RREB1: variants seen among roughly 807,000 people sequenced by gnomAD.
The protein encoded by RREB1 is ras responsive element binding protein 1.
In RREB1, 27 loss-of-function variants were observed where a neutral mutation model predicts 117.8. The ratio of observed to expected loss-of-function variants is 0.23; its 90% CI spans 0.17 to 0.32. RREB1 has a LOEUF of 0.32. Among genes scored for constraint, RREB1 ranks in the 10% least tolerant of loss-of-function variants. The pLI, the probability that RREB1 is intolerant of heterozygous loss-of-function variation, is 1.00. For synonymous variants in RREB1, 1,298 were observed against 1,026.7 expected (o/e 1.26, Z -5.05); for missense variants, 2,577 against 2,378.2 (o/e 1.08, Z -1.74).
At position 7,231,161 on chromosome 6, in the gene RREB1, C is replaced by T; in HGVS notation, c.3062C>T (p.Ser1021Leu). 1 of 1,611,878 alleles carries T rather than the reference C, an allele frequency of 6.2e-7. No homozygotes were observed. Among genetic ancestry groups the T allele is most frequent in the Non-Finnish European group, 8.5e-7 (1 of 1,179,436 alleles). ...PVQLAVPIYS[S>L]ALVSSPPLVG... ...CAGCTGGCGGTCCCAATCTACTCCT[C>T]AGCCCTGGTCAGCAGCCCTCCACTC... Residue 1021 changes from serine to leucine, a missense_variant, in exon 10 of 13, where the codon TCA becomes TTA. Transcript: ENST00000379938.
intron 1 of RREB1, among the ~76,000 whole-genome samples, chr6:7,144,287 C>T (rs1246676318): frequency 1.3e-5 from 2 of 152,184 alleles, no homozygotes; most frequent in Admixed American, 1.3e-4. Context: ...AACCATTTCA[C>T]AATGTATACA....
intron 1 of RREB1, among the ~76,000 whole-genome samples, chr6:7,116,987 T>C (rs1407427061): frequency 6.6e-6 from 1 of 152,226 alleles, no homozygotes; most frequent in East Asian, 1.9e-4. Flanking sequence ...AGAGTTTTGT[T>C]TCATTAGTGG....
At chr6:7,233,935 C>T (rs1481332981) in intron 10 of RREB1, among the ~76,000 whole-genome samples, 1 of 152,172 alleles carries the variant, frequency 6.6e-6, no homozygotes. Flanking sequence ...CGATAGGACT[C>T]TCAGTGGCTG....
chr6:7,187,537 GTTCTTTTATTTTATT>G lies in RREB1; in HGVS notation c.261+17_261+31del. On this transcript the variant is annotated intron_variant, in intron 5 of 12. Transcript: ENST00000379938. ...CACATTCGCCAGGTAGATTCCCACT[GTTCTTTTATTTTATT>G]TTATTTTATTTTATTTTATTTTATT... 1 of 1,084,394 alleles carries G rather than the reference GTTCTTTTATTTTATT, an allele frequency of 9.2e-7. No homozygotes were observed. Among genetic ancestry groups the G allele is most frequent in the Non-Finnish European group, 1.3e-6 (1 of 798,546 alleles). The allele number at this position is 1,084,394 out of a possible 1,614,324, so 67.2% of individuals were successfully genotyped here. A position where few individuals can be genotyped will look rare whatever the true frequency, so the allele number is the denominator to read the frequency against.
At chr6:7,170,314 C>A (rs1764150493) in intron 1 of RREB1, among the ~76,000 whole-genome samples, 1 of 152,172 alleles carries the variant, frequency 6.6e-6, no homozygotes, top group African/African-American at 2.4e-5. Flanking sequence ...TAAGAGGGAA[C>A]CCCAGGGCTG....
intron 8 of RREB1, chr6:7,216,553 A>T (rs985211644): frequency 4.6e-5 from 7 of 152,158 alleles, no homozygotes; most frequent in African/African-American, 1.7e-4. Context: ...CACCAAAGGG[A>T]AATGCCTTCT....
At chr6:7,153,646 T>C (rs992338644) in intron 1 of RREB1, among the ~76,000 whole-genome samples, 2 of 152,222 alleles carry the variant, frequency 1.3e-5, no homozygotes, top group African/African-American at 2.4e-5. Flanking sequence ...AAATTCTGGC[T>C]GATTTTATAA....
intron 8 of RREB1, among the ~76,000 whole-genome samples, chr6:7,224,606 CAGCTCAG>C (rs1767473217): frequency 1.3e-5 from 2 of 152,142 alleles, no homozygotes; most frequent in African/African-American, 4.8e-5. Flanking sequence ...TCTGTGTGCA[CAGCTCAG>C]AGCTTGAACG....
At chr6:7,227,278 C>T (rs9328402) in intron 9 of RREB1, among the ~76,000 whole-genome samples, 15,990 of 151,806 alleles carry the variant, frequency 0.11, 1,770 homozygotes, top group African/African-American at 0.27. Flanking sequence ...CGTGGTGGCT[C>T]ATGCCTCTAA....
intron 10 of RREB1, among the ~76,000 whole-genome samples, chr6:7,235,841 A>G (rs545151287): frequency 6.6e-6 from 1 of 152,318 alleles, no homozygotes; most frequent in South Asian, 2.1e-4. Flanking sequence ...GTGTCCAACG[A>G]GGGGTATACC....
chr6:7,179,607 C>A (rs898590126), intron 2 of RREB1, among the ~76,000 whole-genome samples: 3 of 152,082 alleles, frequency 2.0e-5, no homozygotes, highest in African/African-American at 7.2e-5. Context: ...ATTTATGAAT[C>A]AAGTATGTAA....
chr6:7,234,246 G>A (rs1157166253), intron 10 of RREB1, among the ~76,000 whole-genome samples: 3 of 152,062 alleles, frequency 2.0e-5, no homozygotes, highest in East Asian at 1.9e-4. Flanking sequence ...CCTTTTTTGG[G>A]TGCCACCTGT....
Position 7,229,898 on chromosome 6 carries a change from G to T in RREB1, c.1799G>T (p.Ser600Ile). The change falls in exon 10 of 13, where the codon AGC becomes ATC. Residue 600 changes from serine (S) to isoleucine (I), a missense_variant. Coordinates refer to ENST00000379938, the MANE Select transcript of RREB1 (RefSeq NM_001003699.4). The surrounding 1 kb of genome is among the most constrained non-coding windows in gnomAD (Gnocchi z 4.5). ...PEMKTQLEQD[S>I]IIEALLPLSM... ...ATGAAGACGCAGCTGGAGCAGGACA[G>T]CATCATCGAGGCCCTGCTGCCGCTG... The T allele has an allele frequency of 1.2e-6, 2 of 1,603,744 alleles. No individual in the cohort carries two copies. The highest frequency in any genetic ancestry group is 2.7e-5 in the African/African-American group (2 of 74,816).
At chr6:7,140,771 GT>G (rs981702189) in intron 1 of RREB1, 1 of 152,256 alleles carries the variant, frequency 6.6e-6, no homozygotes, top group African/African-American at 2.4e-5. Context: ...TTAGGGTGGT[GT>G]CCCTAAACTT....
chr6:7,234,411 T>TAGA (rs1768184656), intron 10 of RREB1, among the ~76,000 whole-genome samples: 1 of 152,130 alleles, frequency 6.6e-6, no homozygotes, highest in Non-Finnish European at 1.5e-5. Context: ...CTTCCTCTTC[T>TAGA]AGTATTTTCT....
At chr6:7,198,799 A>G (rs1765792875) in intron 6 of RREB1, among the ~76,000 whole-genome samples, 1 of 152,230 alleles carries the variant, frequency 6.6e-6, no homozygotes. Flanking sequence ...GATTAAAAAA[A>G]AATATGTAAG....
chr6:7,189,337 C>A lies in RREB1; in HGVS notation c.425+15C>A, dbSNP rs1206338486. The A allele has an allele frequency of 6.4e-7, 1 of 1,557,632 alleles. No homozygotes were observed. ...AACATGCACAGGTGGGTGAGGGCGC[C>A]CTTTGCTTGGGGGGTTGGCTGGTAC... On this transcript the variant is annotated intron_variant, in intron 6 of 12. Transcript: ENST00000379938.
chr6:7,195,000 A>G (rs1486134353), intron 6 of RREB1, among the ~76,000 whole-genome samples: 1 of 152,212 alleles, frequency 6.6e-6, no homozygotes, highest in Non-Finnish European at 1.5e-5. Context: ...TAAATACTAC[A>G]TGCAAAGCAC....
At chr6:7,234,000 G>A (rs544324216) in intron 10 of RREB1, among the ~76,000 whole-genome samples, 25 of 152,148 alleles carry the variant, frequency 1.6e-4, no homozygotes, top group Non-Finnish European at 3.7e-4. Context: ...GCTGTGGTGG[G>A]TCCTTGAATC....
Sources: gnomAD v4.1 joint callset for allele counts (sites outside exome capture counted in the v4.1 genomes callset) on GRCh38, gnomAD v4.1.1 for gene constraint, Gnocchi (gnomAD v3.1) non-coding constraint, MANE v1.5 for transcripts, NCBI Gene and HGNC (gene_info 2026-07-23, HGNC 2026-07-21) for gene names.